The following MDFIC2 variants were observed in gnomAD, a reference collection of about 807,000 sequenced individuals.
MDFIC2 encodes myoD family inhibitor domain-containing protein 2.
chr3:70,245,671 T>TATATA (rs1326051204), intron 2 of MDFIC2, among the ~76,000 whole-genome samples: 1 of 57,222 alleles, frequency 1.7e-5, no homozygotes, highest in Non-Finnish European at 3.4e-5. Flanking sequence ...GCAAACTGCT[T>TATATA]TATATATATA....
chr3:70,226,859 T>C (rs1701512397), intron 2 of MDFIC2, among the ~76,000 whole-genome samples: 2 of 151,550 alleles, frequency 1.3e-5, no homozygotes, highest in African/African-American at 4.9e-5. Context: ...TAGCAGAGCA[T>C]GGTAAGAAGT....
At chr3:70,308,051 A>ATATAT (rs1489293516) in intron 2 of MDFIC2, among the ~76,000 whole-genome samples, 1 of 151,904 alleles carries the variant, frequency 6.6e-6, no homozygotes, top group Non-Finnish European at 1.5e-5. Context: ...TGCCTGGTGC[A>ATATAT]TATATTTTAT....
chr3:70,223,599 G>A (rs1014336428), intron 2 of MDFIC2, among the ~76,000 whole-genome samples: 33 of 152,128 alleles, frequency 2.2e-4, no homozygotes, highest in African/African-American at 7.0e-4. Context: ...ATTGTCCTTC[G>A]GGCAGGTACA....
intron 2 of MDFIC2, among the ~76,000 whole-genome samples, chr3:70,287,291 C>A (rs1325225749): frequency 3.5e-5 from 5 of 144,010 alleles, no homozygotes; most frequent in South Asian, 2.4e-4. Context: ...TTGTCAAAGG[C>A]CTTTTCTGCA....
chr3:70,271,956 T>G (rs1314847345), intron 2 of MDFIC2: 1 of 152,220 alleles, frequency 6.6e-6, no homozygotes, highest in East Asian at 1.9e-4. Flanking sequence ...AGAGACAACG[T>G]TTCATCATGT....
intron 2 of MDFIC2, among the ~76,000 whole-genome samples, chr3:70,280,178 C>T: frequency 6.6e-6 from 1 of 152,030 alleles, no homozygotes; most frequent in East Asian, 1.9e-4. Context: ...AATCTCTGTC[C>T]CCATGGTTGT....
At chr3:70,250,251 C>A (rs918248782) in intron 2 of MDFIC2, among the ~76,000 whole-genome samples, 1 of 152,116 alleles carries the variant, frequency 6.6e-6, no homozygotes, top group African/African-American at 2.4e-5. Context: ...TGCTGAAGCA[C>A]CAAATCTCTC....
intron 2 of MDFIC2, among the ~76,000 whole-genome samples, chr3:70,267,185 C>G (rs1701923545): frequency 6.6e-6 from 1 of 152,076 alleles, no homozygotes; most frequent in South Asian, 2.1e-4. Flanking sequence ...GGATTTTATA[C>G]TTAATTCCCC....
chr3:70,235,926 C>T (rs1271659163), intron 2 of MDFIC2, among the ~76,000 whole-genome samples: 1 of 152,186 alleles, frequency 6.6e-6, no homozygotes, highest in Non-Finnish European at 1.5e-5. Flanking sequence ...TTCCTATGGG[C>T]AGTCACCACG....
chr3:70,257,935 C>T (rs1701831975), intron 2 of MDFIC2, among the ~76,000 whole-genome samples: 1 of 152,112 alleles, frequency 6.6e-6, no homozygotes, highest in African/African-American at 2.4e-5. Context: ...TAGACATATA[C>T]ATCAATAAGA....
intron 2 of MDFIC2, among the ~76,000 whole-genome samples, chr3:70,225,582 C>G (rs1388078216): frequency 6.6e-6 from 1 of 151,576 alleles, no homozygotes; most frequent in African/African-American, 2.4e-5. Context: ...CTTCAAAATC[C>G]TTTTCTCTGT....
chr3:70,235,306 A>G (rs1048640963), intron 2 of MDFIC2, among the ~76,000 whole-genome samples: 12 of 152,002 alleles, frequency 7.9e-5, no homozygotes, highest in Non-Finnish European at 7.4e-5. Flanking sequence ...GAGACTATAA[A>G]TCCTTTGTGC....
chr3:70,304,842 C>A (rs528514896), intron 2 of MDFIC2, among the ~76,000 whole-genome samples: 9 of 152,302 alleles, frequency 5.9e-5, no homozygotes, highest in African/African-American at 1.9e-4. Context: ...AACTGACCAA[C>A]AAGGTTCTGC....
chr3:70,263,788 C>G (rs957714208), intron 2 of MDFIC2, among the ~76,000 whole-genome samples: 6 of 152,140 alleles, frequency 3.9e-5, no homozygotes, highest in Admixed American at 2.6e-4. Context: ...TGTCTGGCTC[C>G]ATCTGGGTTC....
At chr3:70,202,317 G>A (rs1288080017) in intron 3 of MDFIC2, among the ~76,000 whole-genome samples, 1 of 152,126 alleles carries the variant, frequency 6.6e-6, no homozygotes, top group African/African-American at 2.4e-5. Context: ...ATCTGATAGT[G>A]GTTAGTGACT....
At chr3:70,267,277 T>C (rs537953909) in intron 2 of MDFIC2, among the ~76,000 whole-genome samples, 43 of 152,086 alleles carry the variant, frequency 2.8e-4, no homozygotes, top group Admixed American at 6.5e-4. Context: ...AATCTTAATA[T>C]TGTGAAGGTA....
chr3:70,224,148 A>G (rs1701482848), intron 2 of MDFIC2, among the ~76,000 whole-genome samples: 1 of 152,160 alleles, frequency 6.6e-6, no homozygotes, highest in Non-Finnish European at 1.5e-5. Flanking sequence ...AAATAATTGA[A>G]TGTGGATGAA....
chr3:70,209,294 A>T (rs769964649), intron 2 of MDFIC2, among the ~76,000 whole-genome samples: 1 of 152,036 alleles, frequency 6.6e-6, no homozygotes, highest in Non-Finnish European at 1.5e-5. Flanking sequence ...CCTCTAGCTC[A>T]TGACAATGAA....
intron 2 of MDFIC2, among the ~76,000 whole-genome samples, chr3:70,209,987 C>G (rs542403720): frequency 1.3e-5 from 2 of 152,052 alleles, no homozygotes; most frequent in East Asian, 3.9e-4. Context: ...ATGGAGATTG[C>G]AGCAGCTATT....
Sources: gnomAD v4.1 joint callset for allele counts (sites outside exome capture counted in the v4.1 genomes callset) on GRCh38, gnomAD v4.1.1 for gene constraint, MANE v1.5 for transcripts, NCBI Gene and HGNC (gene_info 2026-07-23, HGNC 2026-07-21) for gene names.